OOEP: variants seen among roughly 807,000 people sequenced by gnomAD.
OOEP encodes the protein oocyte expressed protein, also known as oocyte-expressed protein homolog.
A neutral mutation model predicts 13.7 loss-of-function variants in OOEP; 16 were observed. The ratio of observed to expected loss-of-function variants is 1.16; its 90% CI spans 0.79 to 1.77. The LOEUF is 1.77. Ranked by LOEUF, OOEP falls within the 40% of genes most tolerant of loss-of-function variation. OOEP has a pLI of 0.00. For synonymous variants in OOEP, 89 were observed against 77.1 expected, an observed-to-expected ratio of 1.15 and a Z score of -0.81; for missense variants, 195 against 193.1, an observed-to-expected ratio of 1.01 and a Z score of -0.06.
chr6:73,386,446 C>A (rs1333991155), intron 2 of OOEP, among the ~76,000 whole-genome samples: 1 of 151,884 alleles, frequency 6.6e-6, no homozygotes, highest in Admixed American at 6.6e-5. Flanking sequence ...AAAAAATAAA[C>A]AAACAAATAG....
intron 2 of OOEP, among the ~76,000 whole-genome samples, chr6:73,378,350 C>A (rs1769159600): frequency 6.6e-6 from 1 of 151,888 alleles, no homozygotes; most frequent in African/African-American, 2.4e-5. Context: ...AGCAATCCAC[C>A]CACCTCAGCC....
intron 2 of OOEP, among the ~76,000 whole-genome samples, chr6:73,379,312 C>A (rs927678267): frequency 6.6e-6 from 1 of 150,924 alleles, no homozygotes; most frequent in African/African-American, 2.4e-5. Flanking sequence ...GTGTGAGCCA[C>A]CATGCCTGGC....
At chr6:73,377,238 T>A (rs1436584167) in intron 2 of OOEP, among the ~76,000 whole-genome samples, 1 of 152,136 alleles carries the variant, frequency 6.6e-6, no homozygotes, top group South Asian at 2.1e-4. Context: ...GAAAATATAA[T>A]CCTGTGAAAA....
upstream of OOEP, among the ~76,000 whole-genome samples, chr6:73,372,224 G>T (rs1769068916): frequency 6.6e-6 from 1 of 152,146 alleles, no homozygotes; most frequent in Non-Finnish European, 1.5e-5. Flanking sequence ...GGGGGACTGT[G>T]GTGATCTGAG....
chr6:73,369,795 T>C lies in OOEP; in HGVS notation c.-3A>G. The C allele has an allele frequency of 6.2e-7, 1 of 1,610,550 alleles. No individual in the cohort carries two copies. The highest frequency in any genetic ancestry group is 8.5e-7 in the Non-Finnish European group (1 of 1,177,432). ...GCGGCACCAGCATCATCGACCATAC[T>C]GGGACCAGCAGCCGCGGAGCGCGCT... On this transcript the variant is annotated 5_prime_UTR_variant, in exon 1 of 3. Coordinates refer to ENST00000370359, the MANE Select transcript of OOEP (RefSeq NM_001080507.3).
Position 73,369,223 on chromosome 6 carries a change from C to G in OOEP, c.353G>C (p.Arg118Pro). The G allele has an allele frequency of 6.2e-7, 1 of 1,612,090 alleles. No individual in the cohort carries two copies. The highest frequency in any genetic ancestry group is 8.5e-7 in the Non-Finnish European group (1 of 1,179,112). ...ACCCTCACCTCGGGCACGATGTTCT[C>G]GGTGAAACCATGCCAGGCACAGGAG... ...SMLLCLAWFH[R>P]EHRARAEKMK... The change falls in exon 2 of 3, where the codon CGA (arginine) becomes CCA (proline). Residue 118 changes from arginine to proline, a missense_variant. Physicochemically the swap from Arg to Pro is moderately radical, Grantham distance 103. Transcript: ENST00000370359.
At chr6:73,381,670 C>T (rs1299791568) in intron 2 of OOEP, among the ~76,000 whole-genome samples, 6 of 152,018 alleles carry the variant, frequency 3.9e-5, no homozygotes, top group African/African-American at 9.7e-5. Flanking sequence ...GGTGGGCCGG[C>T]GTGGGGGGAC....
At chr6:73,380,451 A>G (rs1769191038) in intron 2 of OOEP, among the ~76,000 whole-genome samples, 1 of 152,144 alleles carries the variant, frequency 6.6e-6, no homozygotes, top group Non-Finnish European at 1.5e-5. Context: ...ATAAACAGAA[A>G]TGACCAAATG....
chr6:73,371,365 G>T (rs1270083242), upstream of OOEP, among the ~76,000 whole-genome samples: 3 of 152,166 alleles, frequency 2.0e-5, no homozygotes, highest in Non-Finnish European at 2.9e-5. Context: ...CACTTCGGGA[G>T]GCCAAGGCAG....
chr6:73,382,520 C>G (rs1769224902), intron 2 of OOEP, among the ~76,000 whole-genome samples: 1 of 151,668 alleles, frequency 6.6e-6, no homozygotes, highest in South Asian at 2.1e-4. Flanking sequence ...CTGGCCACAC[C>G]TGGCTAATTT....
intron 2 of OOEP, among the ~76,000 whole-genome samples, chr6:73,379,986 TTC>T (rs1472056946): frequency 6.6e-6 from 1 of 152,244 alleles, no homozygotes; most frequent in Non-Finnish European, 1.5e-5. Flanking sequence ...ACACTATTCT[TTC>T]TACTATACCA....
At chr6:73,369,134 G>C in intron 2 of OOEP, 72 bp downstream of exon 2, 1 of 1,460,548 alleles carries the variant, frequency 6.8e-7, no homozygotes, top group Non-Finnish European at 9.3e-7. Flanking sequence ...AAGGGAGGAT[G>C]GAAGGAAACC....
At chr6:73,376,360 T>TG (rs1562278106) in intron 2 of OOEP, among the ~76,000 whole-genome samples, 1 of 148,436 alleles carries the variant, frequency 6.7e-6, no homozygotes, top group Non-Finnish European at 1.5e-5. Flanking sequence ...TTTTTTTTTT[T>TG]TTTTTTTTTT....
At chr6:73,380,729 G>C (rs1349462869) in intron 2 of OOEP, among the ~76,000 whole-genome samples, 3 of 152,020 alleles carry the variant, frequency 2.0e-5, no homozygotes, top group Non-Finnish European at 4.4e-5. Context: ...TTTTAAAGAG[G>C]ACTTTAGAGA....
At position 73,368,673 on chromosome 6, in the gene OOEP, A is replaced by T; in HGVS notation, c.*111T>A. On this transcript the variant is annotated 3_prime_UTR_variant, in exon 3 of 3. Coordinates refer to ENST00000370359, the MANE Select transcript of OOEP (RefSeq NM_001080507.3). ...GCAACAAAATAAACCACAATCCATC[A>T]AGACACAGGAAAAAGGAATACGGGG... 2.8e-6 allele frequency: 2 copies of T among 718,644 alleles called. No homozygotes were observed. Among genetic ancestry groups the T allele is most frequent in the Non-Finnish European group, 4.9e-6 (2 of 409,360 alleles). The allele number at this position is 718,644 out of a possible 1,614,324, so 44.5% of individuals were successfully genotyped here. A position where few individuals can be genotyped will look rare whatever the true frequency, so the allele number is the denominator to read the frequency against.
Position 73,395,017 on chromosome 6 carries a change from A to G in OOEP, c.-417T>C, listed in dbSNP as rs1469859090. 2.5e-6 allele frequency: 4 copies of G among 1,614,132 alleles called. No individual in the cohort carries two copies. In the East Asian group the frequency reaches 8.9e-5, roughly 36 times the overall value. ...GAGGCCGGCGGAGGAGTTGAATCGA[A>G]CAGGTCCTGAGGGATATAGTGTCGG... On this transcript the variant is annotated 5_prime_UTR_variant, in exon 1 of 4. Coordinates refer to the OOEP transcript ENST00000370363.
At chr6:73,384,883 C>T (rs1449222382) in intron 2 of OOEP, among the ~76,000 whole-genome samples, 13 of 151,834 alleles carry the variant, frequency 8.6e-5, no homozygotes, top group African/African-American at 3.1e-4. Context: ...ATTACAGGCA[C>T]GTGCCACCAC....
intron 2 of OOEP, among the ~76,000 whole-genome samples, chr6:73,380,852 G>A (rs533107803): frequency 4.6e-5 from 7 of 152,206 alleles, no homozygotes; most frequent in African/African-American, 1.4e-4. Context: ...TTTGGATGTT[G>A]ATTAATACAA....
intron 2 of OOEP, among the ~76,000 whole-genome samples, chr6:73,382,805 C>T (rs904411536): frequency 6.6e-6 from 1 of 150,860 alleles, no homozygotes; most frequent in Non-Finnish European, 1.5e-5. Context: ...CCTCCTGGCT[C>T]AGCCTCCCAA....
Sources: allele counts gnomAD v4.1 joint callset (sites outside exome capture counted in the v4.1 genomes callset), GRCh38; gene constraint gnomAD v4.1.1; transcripts MANE v1.5; gene names NCBI Gene and HGNC (gene_info 2026-07-23, HGNC 2026-07-21).